Variants in FMN2 observed in about 807,000 individuals in gnomAD.
FMN2 encodes the protein formin 2.
Under a neutral mutation model 142.3 loss-of-function variants are expected in FMN2, and 51 were observed. The ratio of observed to expected loss-of-function variants is 0.36; its 90% CI spans 0.29 to 0.45. FMN2 has a LOEUF of 0.45. FMN2 is among the 20% of genes least tolerant of loss of function. The probability of loss-of-function intolerance (pLI) is 1.00; values close to 1 mark genes in which losing one functional copy is unlikely to be tolerated. For missense variants in FMN2, 1,936 were observed against 2,122.8 expected (o/e 0.91, Z 1.73); for synonymous variants, 882 against 869.8 (o/e 1.01, Z -0.25).
intron 15 of FMN2, among the ~76,000 whole-genome samples, chr1:240,435,467 G>A (rs1675333709): frequency 6.6e-6 from 1 of 150,978 alleles, no homozygotes; most frequent in Non-Finnish European, 1.5e-5. Flanking sequence ...TTATAATTTA[G>A]AGAATACTTT....
chr1:240,442,008 A>T lies in FMN2; in HGVS notation c.5060+3798A>T, dbSNP rs568906593. Among the ~76,000 whole-genome samples, 48 of 152,300 alleles carry T rather than the reference A, an allele frequency of 3.2e-4. 1 individual carries two copies. The South Asian group carries it at 1.0e-2, about 32-fold the overall frequency. ...TCAAACCTCAGAAGGGCAAGAGTGG[A>T]ACTTACTTGTGGAAGTCCTGAATGC... On this transcript the variant is annotated intron_variant, in intron 16 of 17. Transcript: ENST00000319653.
Position 240,091,925 on chromosome 1 carries a change from C to T in FMN2, c.-185C>T, listed in dbSNP as rs1261592022. The T allele has an allele frequency of 2.0e-6, 2 of 1,024,778 alleles. No individual in the cohort carries two copies. The highest frequency in any genetic ancestry group is 2.4e-5 in the South Asian group (1 of 40,978). The allele number at this position is 1,024,778 out of a possible 1,614,324, so 63.5% of individuals were successfully genotyped here. A position where few individuals can be genotyped will look rare whatever the true frequency, so the allele number is the denominator to read the frequency against. ...GACGGCAGCCACGGGAGCCGCCGCG[C>T]ATTATGCAAAGCGGCGGCAGATGCG... On this transcript the variant is annotated 5_prime_UTR_variant, in exon 1 of 18. Coordinates refer to ENST00000319653, the MANE Select transcript of FMN2 (RefSeq NM_020066.5).
chr1:240,393,463 T>TC (rs1271801255), intron 15 of FMN2, among the ~76,000 whole-genome samples: 1 of 152,116 alleles, frequency 6.6e-6, no homozygotes, highest in African/African-American at 2.4e-5. Flanking sequence ...AACCATCTGT[T>TC]CCCTTGCGTC....
intron 15 of FMN2, among the ~76,000 whole-genome samples, chr1:240,396,283 C>T (rs902670843): frequency 2.0e-5 from 3 of 150,910 alleles, no homozygotes; most frequent in Non-Finnish European, 2.9e-5. Flanking sequence ...GAACCAAACC[C>T]ACAATATCTC....
chr1:240,285,228 G>T, intron 7 of FMN2: 2 of 455,528 alleles, frequency 4.4e-6, no homozygotes, highest in South Asian at 3.1e-5. Context: ...GGATGTGTTT[G>T]GAATGTGAAG....
chr1:240,249,089 G>T (rs1001626755), intron 6 of FMN2, among the ~76,000 whole-genome samples: 1 of 152,014 alleles, frequency 6.6e-6, no homozygotes, highest in African/African-American at 2.4e-5. Flanking sequence ...CTGTCCAGAA[G>T]CTTTTTAGCT....
chr1:240,098,459 T>C (rs776908183), intron 1 of FMN2, among the ~76,000 whole-genome samples: 4 of 152,060 alleles, frequency 2.6e-5, no homozygotes, highest in East Asian at 1.9e-4. Flanking sequence ...AATTGCTACA[T>C]TGGATTTTTT....
At chr1:240,375,003 C>T (rs1034166494) in intron 14 of FMN2, among the ~76,000 whole-genome samples, 2 of 152,034 alleles carry the variant, frequency 1.3e-5, no homozygotes, top group African/African-American at 2.4e-5. Context: ...CTAATTTCAA[C>T]ATTGTAGGGT....
intron 14 of FMN2, among the ~76,000 whole-genome samples, chr1:240,363,271 G>A (rs779756122): frequency 2.0e-5 from 3 of 152,184 alleles, no homozygotes; most frequent in Non-Finnish European, 4.4e-5. Flanking sequence ...TGATTTTTTG[G>A]TGTAATCTCC....
intron 7 of FMN2, among the ~76,000 whole-genome samples, chr1:240,290,325 AGCG>A (rs986443588): frequency 2.0e-5 from 3 of 152,202 alleles, no homozygotes; most frequent in Non-Finnish European, 2.9e-5. Context: ...ATTGGATCTT[AGCG>A]AGCTCATACC....
intron 14 of FMN2, 43 bp downstream of exon 14, chr1:240,355,951 C>CAAAAAAAAAAAAAAAAAAAAAAAAAAAAA (rs58002724): frequency 2.4e-5 from 6 of 252,982 alleles, no homozygotes; most frequent in African/African-American, 1.9e-4. Flanking sequence ...CCCCTTTCAG[C>CAAAAAAAAAAAAAAAAAAAAAAAAAAAAA]AAAAAAAAAA....
chr1:240,339,439 T>C (rs2103026871), intron 13 of FMN2, among the ~76,000 whole-genome samples: 1 of 152,244 alleles, frequency 6.6e-6, no homozygotes, highest in Non-Finnish European at 1.5e-5. Flanking sequence ...TTCAGTACCA[T>C]CTGCTGCTCC....
At chr1:240,322,508 C>G (rs748077776) in intron 8 of FMN2, among the ~76,000 whole-genome samples, 1 of 152,170 alleles carries the variant, frequency 6.6e-6, no homozygotes, top group African/African-American at 2.4e-5. Flanking sequence ...GAGAAACAGA[C>G]AGGTGTTGTC....
chr1:240,252,236 A>G (rs575900973), intron 6 of FMN2, among the ~76,000 whole-genome samples: 3 of 151,904 alleles, frequency 2.0e-5, no homozygotes, highest in South Asian at 2.1e-4. Context: ...ATTGCTTTGT[A>G]TATCCTTTCT....
chr1:240,298,229 A>C (rs143952218), intron 8 of FMN2, among the ~76,000 whole-genome samples: 36 of 152,328 alleles, frequency 2.4e-4, no homozygotes, highest in African/African-American at 7.9e-4. Flanking sequence ...CACAATTATT[A>C]GTTTAGGTAG....
chr1:240,284,341 G>T (rs979520193), intron 7 of FMN2, among the ~76,000 whole-genome samples: 3 of 151,942 alleles, frequency 2.0e-5, no homozygotes, highest in East Asian at 1.9e-4. Flanking sequence ...CTTTTAAGCT[G>T]GGGGGGAGGA....
chr1:240,269,614 A>T lies in FMN2; in HGVS notation c.4153+11582A>T, dbSNP rs142423530. 2.6e-4 allele frequency among the ~76,000 whole-genome samples: 40 copies of T among 152,150 alleles called. No individual in the cohort carries two copies. The East Asian group carries it at 6.0e-3, about 23-fold the overall frequency. On this transcript the variant is annotated intron_variant, in intron 7 of 17. Coordinates refer to ENST00000319653, the MANE Select transcript of FMN2 (RefSeq NM_020066.5). ...TGGAATTTTGATTGGGATTACATTG[A>T]ATCTGTAGATTGCTTTAGGTAGTAT...
chr1:240,324,765 C>T, intron 8 of FMN2, among the ~76,000 whole-genome samples: 1 of 151,038 alleles, frequency 6.6e-6, no homozygotes, highest in East Asian at 1.9e-4. Context: ...TTGGACTAGT[C>T]CACAAATGAC....
chr1:240,214,533 AGAGT>A (rs1281418002), intron 6 of FMN2, among the ~76,000 whole-genome samples: 1 of 146,316 alleles, frequency 6.8e-6, no homozygotes, highest in Non-Finnish European at 1.5e-5. Flanking sequence ...CCTGGGCAAT[AGAGT>A]GAGACTCCAT....
Sources: allele counts gnomAD v4.1 joint callset (sites outside exome capture counted in the v4.1 genomes callset), GRCh38; gene constraint gnomAD v4.1.1; transcripts MANE v1.5; gene names NCBI Gene and HGNC (gene_info 2026-07-23, HGNC 2026-07-21).